HELLS: variants seen among roughly 807,000 people sequenced by gnomAD.
HELLS encodes lymphoid-specific helicase.
HELLS carries 32 observed loss-of-function variants against 120.0 expected under a neutral mutation model. The observed-to-expected ratio is 0.27, with a 90% CI of 0.20 to 0.36. The LOEUF is 0.36. Among genes scored for constraint, HELLS ranks in the 10% least tolerant of loss-of-function variants. The pLI is 1.00. For missense variants in HELLS, 650 were observed against 993.4 expected, an observed-to-expected ratio of 0.65 and a Z score of 4.65; for synonymous variants, 341 against 323.4, an observed-to-expected ratio of 1.05 and a Z score of -0.58.
intron 2 of HELLS, among the ~76,000 whole-genome samples, chr10:94,547,618 T>G (rs1483428209): frequency 6.6e-6 from 1 of 152,218 alleles, no homozygotes; most frequent in Non-Finnish European, 1.5e-5. Flanking sequence ...AAAGTAGATG[T>G]TCATTATTAC....
intron 3 of HELLS, 95 bp from the exon 4 acceptor site, chr10:94,558,044 C>T: frequency 6.9e-7 from 1 of 1,439,370 alleles, no homozygotes; most frequent in South Asian, 1.4e-5. Context: ...ACCTTAGTTT[C>T]TCATTGTAAA....
intron 2 of HELLS, among the ~76,000 whole-genome samples, chr10:94,553,349 A>G (rs191518199): frequency 6.6e-6 from 1 of 151,958 alleles, no homozygotes; most frequent in East Asian, 1.9e-4. Flanking sequence ...CCCGGGTTTA[A>G]GCAATTCTCC....
chr10:94,595,800 C>T (rs1845711331), intron 19 of HELLS, among the ~76,000 whole-genome samples: 2 of 151,808 alleles, frequency 1.3e-5, no homozygotes, highest in African/African-American at 2.4e-5. Context: ...ATCATCAAGC[C>T]CTAGAGAAAT....
chr10:94,605,192 C>T (rs1395418780), downstream of HELLS, among the ~76,000 whole-genome samples: 1 of 149,580 alleles, frequency 6.7e-6, no homozygotes, highest in Non-Finnish European at 1.5e-5. Flanking sequence ...AAACTATTCT[C>T]CTGCCTCAGC....
intron 21 of HELLS, among the ~76,000 whole-genome samples, chr10:94,599,968 A>G (rs893305348): frequency 2.6e-5 from 4 of 152,164 alleles, no homozygotes; most frequent in Admixed American, 2.0e-4. Context: ...AAACTAACTT[A>G]TATTCTTGAA....
rs1342849171 is a variant in HELLS, at chr10:94,574,017, T to G, written c.535T>G (p.Ser179Ala). 1 of 1,611,478 alleles carries G rather than the reference T, an allele frequency of 6.2e-7. No individual in the cohort carries two copies. Among genetic ancestry groups the G allele is most frequent in the East Asian group, 2.2e-5 (1 of 44,860 alleles). ...CVEDLQKNKD[S>A]NSIIKDRLSE... ...GGAAGATCTTCAGAAAAATAAAGAT[T>G]CGAATAGTATAATTAAAGATAGATT... is the stretch of plus-strand genomic sequence containing the variant. Residue 179 changes from serine to alanine, a missense_variant, in exon 8 of 22, where the codon TCG becomes GCG. By Grantham distance (99) the Ser-to-Ala change is moderately conservative (BLOSUM62 1). Transcript: ENST00000348459.
intron 12 of HELLS, among the ~76,000 whole-genome samples, chr10:94,583,714 C>T (rs1844986864): frequency 6.7e-6 from 1 of 148,502 alleles, no homozygotes. Context: ...TGTGTAAACA[C>T]GTGTGTTTTA....
chr10:94,579,593 G>A (rs1488640010), intron 10 of HELLS, among the ~76,000 whole-genome samples: 1 of 151,472 alleles, frequency 6.6e-6, no homozygotes, highest in East Asian at 1.9e-4. Context: ...CCAGGCTGGA[G>A]TCCTGTGGCA....
At chr10:94,583,137 C>A in intron 12 of HELLS, 78 bp downstream of exon 12, 1 of 669,642 alleles carries the variant, frequency 1.5e-6, no homozygotes, top group Non-Finnish European at 2.5e-6. Flanking sequence ...ACCTGTCTAA[C>A]CCTTTGTAGT....
chr10:94,577,812 A>C (rs1282711150), intron 10 of HELLS, among the ~76,000 whole-genome samples: 3 of 152,190 alleles, frequency 2.0e-5, no homozygotes, highest in Non-Finnish European at 4.4e-5. Flanking sequence ...CTGTAATCCC[A>C]GCACTTTGGG....
chr10:94,560,988 C>T lies in HELLS; in HGVS notation c.334-1703C>T, dbSNP rs199746372. Among the ~76,000 whole-genome samples the T allele has an allele frequency of 1.5e-4, 23 of 149,672 alleles. No homozygotes were observed. In the East Asian group the frequency reaches 4.2e-3, roughly 27 times the overall value. ...GGAGAATTGCTTGAACCTAGGAGGCCGAGGTTGCAGTGAGCTGAGATCATG... is the reference window on the plus strand; with the variant it reads ...GGAGAATTGCTTGAACCTAGGAGGCTGAGGTTGCAGTGAGCTGAGATCATG... On this transcript the variant is annotated intron_variant, in intron 4 of 21. Transcript: ENST00000348459.
intron 4 of HELLS, among the ~76,000 whole-genome samples, chr10:94,561,968 A>C (rs911061768): frequency 4.6e-5 from 7 of 150,798 alleles, no homozygotes; most frequent in African/African-American, 1.7e-4. Flanking sequence ...TTTTTAGTAG[A>C]GACAGGGTTT....
chr10:94,599,329 C>T (rs1845913546), intron 21 of HELLS, among the ~76,000 whole-genome samples: 1 of 152,134 alleles, frequency 6.6e-6, no homozygotes, highest in African/African-American at 2.4e-5. Context: ...CAAAAACCAA[C>T]TTGCCATAAT....
At chr10:94,584,170 A>C in intron 12 of HELLS, 1 of 773,378 alleles carries the variant, frequency 1.3e-6, no homozygotes, top group Non-Finnish European at 1.8e-6. Context: ...AAGGATGATT[A>C]TTGCTGAATT....
At chr10:94,564,707 C>G (rs1843707151) in intron 6 of HELLS, among the ~76,000 whole-genome samples, 1 of 152,006 alleles carries the variant, frequency 6.6e-6, no homozygotes, top group Non-Finnish European at 1.5e-5. Context: ...CTCCACCTCC[C>G]ATATTCAAGC....
chr10:94,583,591 C>T (rs1844979586), intron 12 of HELLS, among the ~76,000 whole-genome samples: 1 of 152,110 alleles, frequency 6.6e-6, no homozygotes, highest in Non-Finnish European at 1.5e-5. Context: ...AAACGTGAAG[C>T]AGGAGAGAAG....
At position 94,562,836 on chromosome 10, in the gene HELLS, A is replaced by G. The variant is rs750291944; in HGVS notation, c.395A>G (p.Glu132Gly). ...GTTATGAGGAAAAAAAGAGGAAGAG[A>G]AGATGAATCATACAATATTTCAGAG... is the stretch of plus-strand genomic sequence containing the variant. ...KPVMRKKRGREDESYNISEVM... is the reference protein window; with the variant it reads ...KPVMRKKRGRGDESYNISEVM... The change falls in exon 6 of 22, where the codon GAA (glutamate) becomes GGA (glycine). Residue 132 changes from glutamate to glycine, a missense_variant. Around this residue, in one of 9 missense-constraint regions of HELLS, gnomAD observed 113 missense variants for 120.7 expected, o/e 0.94. Coordinates refer to ENST00000348459, the MANE Select transcript of HELLS (RefSeq NM_018063.5). 1 of 1,577,962 alleles carries G rather than the reference A, an allele frequency of 6.3e-7. No homozygotes were observed. The highest frequency in any genetic ancestry group is 2.2e-5 in the East Asian group (1 of 44,534).
intron 10 of HELLS, among the ~76,000 whole-genome samples, chr10:94,580,473 C>T (rs966954349): frequency 8.2e-4 from 124 of 152,094 alleles, no homozygotes; most frequent in African/African-American, 2.7e-3. Context: ...TGAGCCACTG[C>T]GCCCGGCCAA....
intron 8 of HELLS, among the ~76,000 whole-genome samples, chr10:94,607,450 C>T (rs189629755): frequency 1.3e-5 from 2 of 152,272 alleles, no homozygotes; most frequent in Admixed American, 1.3e-4. Flanking sequence ...TAGATGGACT[C>T]ATTTCATGAT....
Sources: allele counts gnomAD v4.1 joint callset (sites outside exome capture counted in the v4.1 genomes callset), GRCh38; gene constraint gnomAD v4.1.1; regional missense constraint gnomAD v4.1.1; transcripts MANE v1.5; gene names NCBI Gene and HGNC (gene_info 2026-07-23, HGNC 2026-07-21).